The following NCKAP5 variants were observed in gnomAD, a reference collection of about 807,000 sequenced individuals.
The protein encoded by NCKAP5 is NCK associated protein 5.
In NCKAP5, 92 loss-of-function variants were observed where a neutral mutation model predicts 167.0. That is an observed-to-expected ratio of 0.55 (90% CI 0.47 to 0.66). The LOEUF is 0.66. NCKAP5 is among the 30% of genes least tolerant of loss of function. The pLI, the probability that NCKAP5 is intolerant of heterozygous loss-of-function variation, is 0.00. For synonymous variants in NCKAP5, 891 were observed against 877.4 expected (o/e 1.02, Z -0.27); for missense variants, 2,378 against 2,315.0 (o/e 1.03, Z -0.56).
At chr2:133,341,285 T>A (rs1247269212) in intron 3 of NCKAP5, among the ~76,000 whole-genome samples, 1 of 27,362 alleles carries the variant, frequency 3.7e-5, no homozygotes, top group African/African-American at 1.9e-4. Context: ...AGTGAGCAGA[T>A]TTTTTTTTTT....
chr2:133,667,748 GTT>G, the NCKAP5 span, among the ~76,000 whole-genome samples: 1 of 151,936 alleles, frequency 6.6e-6, no homozygotes, highest in Non-Finnish European at 1.5e-5. Context: ...CAATTAACTA[GTT>G]TCCTTCAATA....
chr2:133,254,886 T>C (rs1006108209), intron 4 of NCKAP5, among the ~76,000 whole-genome samples: 1 of 152,004 alleles, frequency 6.6e-6, no homozygotes, highest in Non-Finnish European at 1.5e-5. Flanking sequence ...AATAAACATT[T>C]ATTTTAAATA....
At chr2:132,754,745 G>A (rs1680394121) in intron 16 of NCKAP5, among the ~76,000 whole-genome samples, 1 of 152,302 alleles carries the variant, frequency 6.6e-6, no homozygotes, top group South Asian at 2.1e-4. Context: ...TACAATGACA[G>A]GATTATCTAT....
At chr2:133,306,273 A>G (rs1680771974) in intron 3 of NCKAP5, among the ~76,000 whole-genome samples, 1 of 152,262 alleles carries the variant, frequency 6.6e-6, no homozygotes, top group Non-Finnish European at 1.5e-5. Flanking sequence ...AGACTTCAGT[A>G]TCCCAGCATG....
chr2:133,542,502 G>A (rs902405445), intron 2 of NCKAP5, among the ~76,000 whole-genome samples: 11 of 152,266 alleles, frequency 7.2e-5, no homozygotes, highest in Non-Finnish European at 1.2e-4. Context: ...GTCATCCCAC[G>A]CTATCCAGTT....
intron 11 of NCKAP5, among the ~76,000 whole-genome samples, chr2:132,843,126 A>G (rs72991372): frequency 4.6e-5 from 7 of 152,106 alleles, no homozygotes; most frequent in African/African-American, 1.7e-4. Context: ...GGCATAATTT[A>G]TCTTTCTAAA....
At chr2:133,648,943 T>A in the NCKAP5 span, among the ~76,000 whole-genome samples, 2 of 149,024 alleles carry the variant, frequency 1.3e-5, no homozygotes, top group African/African-American at 4.9e-5. Flanking sequence ...AGTAAAAAAA[T>A]CAACAAAACT....
chr2:132,896,366 C>T (rs1030492245), intron 8 of NCKAP5, among the ~76,000 whole-genome samples: 1 of 152,152 alleles, frequency 6.6e-6, no homozygotes, highest in South Asian at 2.1e-4. Context: ...TCGTGGAAAA[C>T]GAAGAGCACT....
chr2:133,619,391 A>G, the NCKAP5 span, among the ~76,000 whole-genome samples: 2 of 152,110 alleles, frequency 1.3e-5, no homozygotes, highest in Non-Finnish European at 2.9e-5. Context: ...AGCATAAATA[A>G]AAAACAATCA....
the NCKAP5 span, among the ~76,000 whole-genome samples, chr2:133,619,889 T>C: frequency 2.6e-5 from 4 of 152,072 alleles, no homozygotes; most frequent in African/African-American, 9.7e-5. Context: ...AAACCTATCA[T>C]ATTAACAGCA....
chr2:132,686,300 T>C (rs909634728), intron 19 of NCKAP5, among the ~76,000 whole-genome samples: 12 of 152,178 alleles, frequency 7.9e-5, no homozygotes, highest in Non-Finnish European at 1.5e-4. Flanking sequence ...ATTGTACATC[T>C]TCCTCTCTCT....
intron 11 of NCKAP5, among the ~76,000 whole-genome samples, chr2:132,849,180 T>C (rs1301431507): frequency 6.6e-6 from 1 of 152,158 alleles, no homozygotes; most frequent in Non-Finnish European, 1.5e-5. Flanking sequence ...TCTCTGTATA[T>C]AGGGAGAAAA....
intron 5 of NCKAP5, among the ~76,000 whole-genome samples, chr2:133,212,797 C>A (rs904177158): frequency 6.6e-6 from 1 of 152,226 alleles, no homozygotes; most frequent in Admixed American, 6.5e-5. Context: ...TTCCAGACCC[C>A]ACTCAACATT....
At chr2:133,649,967 C>CA in the NCKAP5 span, among the ~76,000 whole-genome samples, 5 of 151,442 alleles carry the variant, frequency 3.3e-5, no homozygotes, top group Admixed American at 3.3e-4. Context: ...AAAGACTCCA[C>CA]CAAAAAAAAT....
chr2:133,071,954 T>C (rs1224339677), intron 6 of NCKAP5, among the ~76,000 whole-genome samples: 1 of 152,204 alleles, frequency 6.6e-6, no homozygotes, highest in Non-Finnish European at 1.5e-5. Flanking sequence ...CTCATAATAT[T>C]GAAGAGAAAA....
chr2:133,087,783 G>A (rs749429556), intron 6 of NCKAP5, among the ~76,000 whole-genome samples: 25 of 152,186 alleles, frequency 1.6e-4, no homozygotes, highest in Admixed American at 5.9e-4. Flanking sequence ...GTAATGCACA[G>A]ATGTTTAATG....
At chr2:133,444,810 G>A (rs928924349) in intron 3 of NCKAP5, among the ~76,000 whole-genome samples, 1 of 152,106 alleles carries the variant, frequency 6.6e-6, no homozygotes, top group Non-Finnish European at 1.5e-5. Context: ...ACTAGCGCTG[G>A]CCTTGCTGCT....
intron 8 of NCKAP5, among the ~76,000 whole-genome samples, chr2:132,914,588 TG>T (rs1335393215): frequency 3.3e-5 from 5 of 151,958 alleles, no homozygotes; most frequent in Non-Finnish European, 7.4e-5. Context: ...ACCCAAATGC[TG>T]GGGGTAGGGC....
intron 3 of NCKAP5, among the ~76,000 whole-genome samples, chr2:133,419,145 C>A (rs1426034572): frequency 1.3e-5 from 2 of 152,180 alleles, no homozygotes; most frequent in East Asian, 1.9e-4. Flanking sequence ...AGAGACGGAA[C>A]CCTCAACTGT....
Sources: gnomAD v4.1 joint callset for allele counts (sites outside exome capture counted in the v4.1 genomes callset) on GRCh38, gnomAD v4.1.1 for gene constraint, MANE v1.5 for transcripts, NCBI Gene and HGNC (gene_info 2026-07-23, HGNC 2026-07-21) for gene names.